The following KIAA1549L variants were observed in gnomAD, a reference collection of about 807,000 sequenced individuals.
KIAA1549L encodes the protein UPF0606 protein KIAA1549L.
A neutral mutation model predicts 160.7 loss-of-function variants in KIAA1549L; 88 were observed. The observed-to-expected ratio is 0.55, with a 90% CI of 0.46 to 0.65. The LOEUF (loss-of-function observed/expected upper bound fraction) is 0.65. KIAA1549L is among the 30% of genes least tolerant of loss of function. KIAA1549L has a pLI of 0.00. For missense variants in KIAA1549L, 2,258 were observed against 2,437.5 expected, an observed-to-expected ratio of 0.93 and a Z score of 1.55; for synonymous variants, 950 against 976.7, an observed-to-expected ratio of 0.97 and a Z score of 0.51.
intron 4 of KIAA1549L, 27 bp from the exon 5 acceptor site, chr11:33,551,013 G>C: frequency 6.3e-7 from 1 of 1,583,316 alleles, no homozygotes; most frequent in Non-Finnish European, 8.7e-7. Context: ...ATAAACAATG[G>C]GTTTTGTGGG....
In KIAA1549L at chr11:33,542,685, G is replaced by T; in HGVS notation, c.1122G>T (p.Trp374Cys). Residue 374 changes from tryptophan to cysteine, a missense_variant, in exon 2 of 21, where the codon TGG (tryptophan) becomes TGT (cysteine). By Grantham distance (215) the Trp-to-Cys change is radical. Around this residue, in one of 6 missense-constraint regions of KIAA1549L, gnomAD observed 540 missense variants for 465.7 expected, o/e 1.16. Coordinates refer to ENST00000658780, the MANE Select transcript of KIAA1549L (RefSeq NM_012194.3). ...AGCTTCCAGATGGAAGCCCCTCATGGTCAATGTTGGAAGTGGCTTCAGGTC... is the reference window on the plus strand; with the variant it reads ...AGCTTCCAGATGGAAGCCCCTCATGTTCAATGTTGGAAGTGGCTTCAGGTC... ...LLQLPDGSPS[W>C]SMLEVASGPA... 6.2e-7 allele frequency: 1 copy of T among 1,613,920 alleles called. No individual in the cohort carries two copies. Among genetic ancestry groups the T allele is most frequent in the Non-Finnish European group, 8.5e-7 (1 of 1,179,862 alleles).
chr11:33,661,710 T>C (rs926953926), intron 20 of KIAA1549L, among the ~76,000 whole-genome samples: 1 of 151,850 alleles, frequency 6.6e-6, no homozygotes, highest in Non-Finnish European at 1.5e-5. Flanking sequence ...TGAAACCCCT[T>C]CTCTACTAAA....
chr11:33,532,145 C>T (rs1262156608), intron 1 of KIAA1549L, among the ~76,000 whole-genome samples: 1 of 152,198 alleles, frequency 6.6e-6, no homozygotes, highest in African/African-American at 2.4e-5. Flanking sequence ...CCCTTGCCCT[C>T]TCTGAGCTCT....
Position 33,668,075 on chromosome 11 carries a change from C to T in KIAA1549L, c.6362C>T (p.Ala2121Val), listed in dbSNP as rs750355760. Reference sequence around the variant, plus strand: ...GCTCCCCTGACCAACATCTCCACTGCGGCCCTTGTGAAGGCCATCCGGGAG... The same window carrying T: ...GCTCCCCTGACCAACATCTCCACTGTGGCCCTTGTGAAGGCCATCCGGGAG... ...SDAPLTNISTAALVKAIREEV... is the reference protein window; with the variant it reads ...SDAPLTNISTVALVKAIREEV... The change falls in exon 21 of 21, where the codon GCG becomes GTG. Residue 2121 changes from alanine (A) to valine (V), a missense_variant. By Grantham distance (64) the Ala-to-Val change is moderately conservative. This residue lies in a region of KIAA1549L where 1,359 missense variants were observed against 1,546.6 expected (regional missense o/e 0.88). Transcript: ENST00000658780. 6.8e-6 allele frequency: 11 copies of T among 1,613,914 alleles called. No homozygotes were observed. Among genetic ancestry groups the T allele is most frequent in the Middle Eastern group, 1.6e-4 (1 of 6,084 alleles).
intron 1 of KIAA1549L, among the ~76,000 whole-genome samples, chr11:33,408,016 A>G (rs759794227): frequency 6.6e-6 from 1 of 151,572 alleles, no homozygotes; most frequent in Non-Finnish European, 1.5e-5. Flanking sequence ...TTTTTTTCCC[A>G]CCTTGTAAAC....
At chr11:33,456,400 C>CTGT (rs5790931) in intron 1 of KIAA1549L, among the ~76,000 whole-genome samples, 3 of 151,696 alleles carry the variant, frequency 2.0e-5, no homozygotes, top group South Asian at 2.1e-4. Context: ...GTGCATTTTG[C>CTGT]TGTTGTTGTT....
At chr11:33,651,487 T>C (rs1315283832) in intron 17 of KIAA1549L, among the ~76,000 whole-genome samples, 2 of 104,704 alleles carry the variant, frequency 1.9e-5, no homozygotes, top group Non-Finnish European at 3.5e-5. Flanking sequence ...CCTCAGTCTT[T>C]TGTGCCTCCT....
At chr11:33,381,096 C>G (rs1221047149) in intron 1 of KIAA1549L, among the ~76,000 whole-genome samples, 1 of 151,968 alleles carries the variant, frequency 6.6e-6, no homozygotes, top group Non-Finnish European at 1.5e-5. Context: ...GCTTACCAGT[C>G]ACGTGAAGAT....
intron 1 of KIAA1549L, among the ~76,000 whole-genome samples, chr11:33,513,428 G>T (rs983889469): frequency 3.9e-5 from 6 of 152,122 alleles, no homozygotes; most frequent in Non-Finnish European, 7.3e-5. Context: ...GTAGATCCTG[G>T]AATCCCAGAA....
intron 9 of KIAA1549L, 63 bp downstream of exon 9, chr11:33,568,290 C>T: frequency 6.7e-7 from 1 of 1,491,224 alleles, no homozygotes; most frequent in South Asian, 1.3e-5. Context: ...GGATGTGCTT[C>T]CTGAGACTAA....
At chr11:33,569,028 T>C (rs915706621) in intron 9 of KIAA1549L, among the ~76,000 whole-genome samples, 15 of 152,332 alleles carry the variant, frequency 9.8e-5, no homozygotes, top group South Asian at 2.1e-4. Context: ...ACTGGCTTAA[T>C]AACGCATCCC....
At chr11:33,489,778 G>A (rs915232747) in intron 1 of KIAA1549L, among the ~76,000 whole-genome samples, 3 of 152,284 alleles carry the variant, frequency 2.0e-5, no homozygotes, top group East Asian at 1.9e-4. Context: ...AAGAATTGGC[G>A]TTGGAAAATG....
intron 1 of KIAA1549L, among the ~76,000 whole-genome samples, chr11:33,421,873 C>T (rs1046931437): frequency 6.6e-6 from 1 of 152,070 alleles, no homozygotes; most frequent in Non-Finnish European, 1.5e-5. Flanking sequence ...ATTGCTGGAT[C>T]CCCTCATGGC....
intron 6 of KIAA1549L, 108 bp from the exon 7 acceptor site, chr11:33,559,641 A>C (rs1854770286): frequency 6.1e-6 from 5 of 820,846 alleles, no homozygotes; most frequent in South Asian, 1.6e-5. Flanking sequence ...ACCCCCTTTC[A>C]TTCCTTCCCT....
intron 1 of KIAA1549L, among the ~76,000 whole-genome samples, chr11:33,380,612 A>G (rs559494812): frequency 2.0e-5 from 3 of 152,060 alleles, no homozygotes; most frequent in Admixed American, 1.3e-4. Context: ...TTGATGATCT[A>G]ATATCGTCAG....
intron 20 of KIAA1549L, among the ~76,000 whole-genome samples, chr11:33,662,547 C>T (rs1210585753): frequency 6.6e-6 from 1 of 152,122 alleles, no homozygotes; most frequent in East Asian, 1.9e-4. Context: ...ATGATTTGAG[C>T]AATTCAGAGG....
intron 11 of KIAA1549L, among the ~76,000 whole-genome samples, chr11:33,589,521 A>T (rs1223737728): frequency 2.0e-5 from 3 of 152,242 alleles, no homozygotes; most frequent in Non-Finnish European, 4.4e-5. Flanking sequence ...CCAAATGTCC[A>T]ACAATGATAG....
intron 1 of KIAA1549L, among the ~76,000 whole-genome samples, chr11:33,464,296 T>TTCAA (rs1240890617): frequency 6.6e-6 from 1 of 152,220 alleles, no homozygotes; most frequent in Non-Finnish European, 1.5e-5. Flanking sequence ...CAATCATTCA[T>TTCAA]TCAATCAATC....
rs1851701591 is a variant in KIAA1549L at position 33,645,782 on chromosome 11, T to C, written c.5506T>C (p.Ser1836Pro). The C allele has an allele frequency of 6.2e-7, 1 of 1,613,876 alleles. No individual in the cohort carries two copies. The highest frequency in any genetic ancestry group is 8.5e-7 in the Non-Finnish European group (1 of 1,179,852). Residue 1836 changes from serine (S) to proline (P), a missense_variant, in exon 17 of 21, where the codon TCC (serine) becomes CCC (proline). By Grantham distance (74) the Ser-to-Pro change is moderately conservative (BLOSUM62 -1). Around this residue, in one of 6 missense-constraint regions of KIAA1549L, gnomAD observed 1,359 missense variants for 1,546.6 expected, o/e 0.88. Transcript: ENST00000658780. The part of the protein sequence containing the change: ...SRQVKGHSET[S>P]TLSSQPSIDE... ...ACAGGTGAAAGGCCACTCGGAGACC[T>C]CCACACTGAGCTCCCAGCCATCCAT... is the stretch of plus-strand genomic sequence containing the variant.
Sources: gnomAD v4.1 joint callset for allele counts (sites outside exome capture counted in the v4.1 genomes callset) on GRCh38, gnomAD v4.1.1 for gene constraint, gnomAD v4.1.1 regional missense constraint, MANE v1.5 for transcripts, NCBI Gene and HGNC (gene_info 2026-07-23, HGNC 2026-07-21) for gene names.